The following ASRGL1 variants were observed in gnomAD, a reference collection of about 807,000 sequenced individuals.
The protein encoded by ASRGL1 is asparaginase and isoaspartyl peptidase 1.
Under a neutral mutation model 22.4 loss-of-function variants are expected in ASRGL1, and 16 were observed. The ratio of observed to expected loss-of-function variants is 0.71; its 90% CI spans 0.48 to 1.08. ASRGL1 has a LOEUF of 1.08. Among genes scored for constraint, ASRGL1 ranks in the 50% least tolerant of loss-of-function variants. The probability of loss-of-function intolerance (pLI) is 0.00; values close to 1 mark genes in which losing one functional copy is unlikely to be tolerated. For missense variants in ASRGL1, 412 were observed against 410.1 expected, an observed-to-expected ratio of 1.00 and a Z score of -0.04; for synonymous variants, 165 against 159.3, an observed-to-expected ratio of 1.04 and a Z score of -0.27.
chr11:62,355,426 A>G (rs1199088182), intron 2 of ASRGL1, among the ~76,000 whole-genome samples: 4 of 147,244 alleles, frequency 2.7e-5, no homozygotes, highest in African/African-American at 1.0e-4. Flanking sequence ...GGGGTTTCAC[A>G]TGTTAGCCAG....
intron 4 of ASRGL1, among the ~76,000 whole-genome samples, chr11:62,374,155 G>A (rs566749667): frequency 7.2e-5 from 11 of 152,286 alleles, no homozygotes; most frequent in Admixed American, 3.3e-4. Flanking sequence ...TCGGGGTACC[G>A]TTCTGCTGAC....
At chr11:62,380,256 G>A (rs893981000) in intron 4 of ASRGL1, among the ~76,000 whole-genome samples, 1 of 152,068 alleles carries the variant, frequency 6.6e-6, no homozygotes, top group Non-Finnish European at 1.5e-5. Flanking sequence ...CTCAGGATTG[G>A]CGTTTCCATA....
At chr11:62,382,905 G>T (rs34114318) in intron 4 of ASRGL1, 41,489 of 151,974 alleles carry the variant, frequency 0.27, 5,774 homozygotes, top group South Asian at 0.36. Flanking sequence ...AGCCTGCATA[G>T]CCCTAAATCC....
chr11:62,377,046 G>A (rs1946949787), intron 4 of ASRGL1, among the ~76,000 whole-genome samples: 1 of 152,194 alleles, frequency 6.6e-6, no homozygotes, highest in South Asian at 2.1e-4. Flanking sequence ...GAGTGGGCAG[G>A]TGTAGGACTT....
At chr11:62,372,263 G>A (rs1246124546) in intron 4 of ASRGL1, 3 of 1,595,498 alleles carry the variant, frequency 1.9e-6, no homozygotes, top group Non-Finnish European at 2.6e-6. Flanking sequence ...TGGCCTTGAC[G>A]GAAACGGGCT....
downstream of ASRGL1, among the ~76,000 whole-genome samples, chr11:62,394,168 TATA>T (rs1947401098): frequency 4.4e-5 from 6 of 135,330 alleles, no homozygotes; most frequent in Admixed American, 4.7e-4. Flanking sequence ...ACATATATAT[TATA>T]TATCATATAA....
chr11:62,356,939 T>C (rs1370669164), intron 3 of ASRGL1, 48 bp from the exon 4 acceptor site: 1 of 1,553,828 alleles, frequency 6.4e-7, no homozygotes, highest in Non-Finnish European at 8.7e-7. Flanking sequence ...TTAAAAAGAT[T>C]TAAAATTTTC....
intron 2 of ASRGL1, among the ~76,000 whole-genome samples, chr11:62,344,781 C>T (rs754865317): frequency 3.3e-4 from 50 of 152,142 alleles, no homozygotes; most frequent in Admixed American, 1.6e-3. Flanking sequence ...GCTAAATTAT[C>T]GACTATAGTC....
chr11:62,379,873 G>A (rs756839551), intron 4 of ASRGL1, among the ~76,000 whole-genome samples: 23 of 152,144 alleles, frequency 1.5e-4, no homozygotes, highest in Non-Finnish European at 2.4e-4. Flanking sequence ...CCCCTTTGCT[G>A]TTTCCTGACA....
chr11:62,366,689 TATAG>T (rs1371794298), intron 4 of ASRGL1, among the ~76,000 whole-genome samples: 1 of 152,192 alleles, frequency 6.6e-6, no homozygotes, highest in Non-Finnish European at 1.5e-5. Context: ...TAACATTCTT[TATAG>T]ATAGATGGGA....
chr11:62,359,192 G>A lies in ASRGL1; in HGVS notation c.491+2048G>A, dbSNP rs113304319. 9.7e-3 allele frequency among the ~76,000 whole-genome samples: 1,480 copies of A among 152,242 alleles called. 29 individuals carry two copies. The highest frequency in any genetic ancestry group is 0.031 in the African/African-American group (1,289 of 41,548). ...ACTGTGAGAGCCACAAATGTAATTTGACATTTTCTAGTGGCCACATCCACA... is the reference window on the plus strand; with the variant it reads ...ACTGTGAGAGCCACAAATGTAATTTAACATTTTCTAGTGGCCACATCCACA... On this transcript the variant is annotated intron_variant, in intron 4 of 6. Coordinates refer to ENST00000415229, the MANE Select transcript of ASRGL1 (RefSeq NM_001083926.2).
intron 4 of ASRGL1, among the ~76,000 whole-genome samples, chr11:62,375,465 TA>T (rs1198866301): frequency 1.0e-5 from 1 of 97,278 alleles, no homozygotes; most frequent in Non-Finnish European, 2.3e-5. Context: ...TATATATATA[TA>T]TATATATATA....
At chr11:62,372,955 C>T in intron 4 of ASRGL1, 2 of 1,487,710 alleles carry the variant, frequency 1.3e-6, no homozygotes, top group Non-Finnish European at 1.9e-6. Context: ...GATGAGAGCA[C>T]CATCAGCTGG....
chr11:62,349,244 G>A (rs377445553), intron 2 of ASRGL1, among the ~76,000 whole-genome samples: 5 of 152,276 alleles, frequency 3.3e-5, no homozygotes, highest in Middle Eastern at 3.4e-3. Flanking sequence ...TGGGATTACC[G>A]GCATGAGCCA....
intron 4 of ASRGL1, among the ~76,000 whole-genome samples, chr11:62,364,377 A>C (rs996511404): frequency 6.6e-6 from 1 of 152,158 alleles, no homozygotes; most frequent in Non-Finnish European, 1.5e-5. Flanking sequence ...TAGTTTGTCA[A>C]CTTTCAGTCA....
At chr11:62,339,188 T>G (rs1451851711) in intron 2 of ASRGL1, among the ~76,000 whole-genome samples, 1 of 152,220 alleles carries the variant, frequency 6.6e-6, no homozygotes, top group Non-Finnish European at 1.5e-5. Context: ...TTTCAAGATA[T>G]GGCGAAGAAA....
chr11:62,342,289 G>A (rs971826133), intron 2 of ASRGL1, among the ~76,000 whole-genome samples: 4 of 152,172 alleles, frequency 2.6e-5, no homozygotes, highest in Non-Finnish European at 5.9e-5. Flanking sequence ...TGCTTGCTTG[G>A]ACCAGTATAA....
chr11:62,377,568 A>G (rs887231581), intron 4 of ASRGL1, among the ~76,000 whole-genome samples: 3 of 152,172 alleles, frequency 2.0e-5, no homozygotes, highest in African/African-American at 7.2e-5. Flanking sequence ...CTAAAGGTTC[A>G]TGTCTCGTAA....
chr11:62,360,469 G>C (rs958169929), intron 4 of ASRGL1, among the ~76,000 whole-genome samples: 4 of 151,044 alleles, frequency 2.6e-5, no homozygotes, highest in East Asian at 3.9e-4. Flanking sequence ...TCAAGATTTT[G>C]GTAGAAAAAG....
Sources: gnomAD v4.1 joint callset for allele counts (sites outside exome capture counted in the v4.1 genomes callset) on GRCh38, gnomAD v4.1.1 for gene constraint, MANE v1.5 for transcripts, NCBI Gene and HGNC (gene_info 2026-07-23, HGNC 2026-07-21) for gene names.